OCM: variants seen among roughly 807,000 people sequenced by gnomAD.
OCM encodes oncomodulin, also known as oncomodulin-1.
Under a neutral mutation model 14.1 loss-of-function variants are expected in OCM, and 18 were observed. The observed-to-expected ratio is 1.28, with a 90% CI of 0.88 to 1.89. The LOEUF (loss-of-function observed/expected upper bound fraction) is 1.89, where lower values mean the gene tolerates loss of function less well. OCM is among the 40% of genes most tolerant of loss of function. The pLI is 0.00. For missense variants in OCM, 140 were observed against 137.6 expected, an observed-to-expected ratio of 1.02 and a Z score of -0.09; for synonymous variants, 48 against 51.0, an observed-to-expected ratio of 0.94 and a Z score of 0.25.
At chr7:5,878,400 C>T (rs981603223), upstream of OCM, among the ~76,000 whole-genome samples, 2 of 151,894 alleles carry the variant, frequency 1.3e-5, no homozygotes, top group African/African-American at 4.8e-5. Context: ...AGAGATCTCT[C>T]GTTCAATAAT....
the OCM span, among the ~76,000 whole-genome samples, chr7:5,862,314 C>T: frequency 1.2e-4 from 18 of 152,030 alleles, no homozygotes; most frequent in Non-Finnish European, 2.1e-4. Context: ...TTCATAACCC[C>T]ATGTTCTAGC....
the OCM span, among the ~76,000 whole-genome samples, chr7:5,874,067 A>AT: frequency 2.6e-3 from 390 of 150,716 alleles, 2 homozygotes; most frequent in Middle Eastern, 0.017. Flanking sequence ...AATAAAAAAA[A>AT]AAAAAAATTA....
the OCM span, among the ~76,000 whole-genome samples, chr7:5,870,452 A>T: frequency 9.3e-4 from 141 of 152,262 alleles, no homozygotes; most frequent in African/African-American, 3.2e-3. Flanking sequence ...CATCCTGTCC[A>T]TTGGCTGGGG....
chr7:5,860,532 A>G, the OCM span, among the ~76,000 whole-genome samples: 13 of 110,600 alleles, frequency 1.2e-4, no homozygotes, highest in African/African-American at 4.5e-4. Flanking sequence ...ATACGTGTGT[A>G]TATATATTAC....
chr7:5,867,842 G>A, the OCM span, among the ~76,000 whole-genome samples: 6 of 151,842 alleles, frequency 4.0e-5, no homozygotes, highest in Non-Finnish European at 8.8e-5. Flanking sequence ...GTTCACTGCA[G>A]CCTTGACCTC....
intron 2 of OCM, among the ~76,000 whole-genome samples, chr7:5,883,457 A>T (rs1255976165): frequency 6.6e-6 from 1 of 152,114 alleles, no homozygotes; most frequent in Non-Finnish European, 1.5e-5. Flanking sequence ...AGGTGGGTGG[A>T]TTGCTTGAGT....
chr7:5,867,166 C>T, the OCM span, among the ~76,000 whole-genome samples: 26 of 152,220 alleles, frequency 1.7e-4, no homozygotes, highest in African/African-American at 5.8e-4. Flanking sequence ...AAAATTCCTC[C>T]TTGCCTTCTG....
At chr7:5,872,664 T>G in the OCM span, among the ~76,000 whole-genome samples, 1 of 152,114 alleles carries the variant, frequency 6.6e-6, no homozygotes, top group Non-Finnish European at 1.5e-5. Context: ...GTTACACAGA[T>G]GCTAGAAGGC....
chr7:5,861,972 A>G, the OCM span, among the ~76,000 whole-genome samples: 11 of 152,184 alleles, frequency 7.2e-5, no homozygotes, highest in South Asian at 2.3e-3. Context: ...CGAACATTGC[A>G]CACTACAGCC....
upstream of OCM, among the ~76,000 whole-genome samples, chr7:5,878,754 CAA>C (rs1209421248): frequency 7.9e-6 from 1 of 126,242 alleles, no homozygotes; most frequent in Admixed American, 8.2e-5. Context: ...TCTCAAAAAA[CAA>C]AAAAAAAAAA....
the OCM span, among the ~76,000 whole-genome samples, chr7:5,860,330 G>A: frequency 6.8e-6 from 1 of 147,522 alleles, no homozygotes; most frequent in African/African-American, 2.5e-5. Context: ...AGCAGTTTGG[G>A]GCTCTCCGTA....
chr7:5,883,735 G>A (rs1311591380), intron 2 of OCM, among the ~76,000 whole-genome samples, 155 bp from the exon 3 acceptor site: 3 of 152,056 alleles, frequency 2.0e-5, no homozygotes, highest in Non-Finnish European at 4.4e-5. Flanking sequence ...CCCACCATTG[G>A]TTTCTACAGC....
chr7:5,861,315 G>T, the OCM span, among the ~76,000 whole-genome samples: 1 of 152,048 alleles, frequency 6.6e-6, no homozygotes, highest in Non-Finnish European at 1.5e-5. Context: ...CAGCTACTTG[G>T]GAGGCTGAGG....
At chr7:5,875,056 G>A (rs1781067226), upstream of OCM, among the ~76,000 whole-genome samples, 1 of 105,878 alleles carries the variant, frequency 9.4e-6, no homozygotes, top group Non-Finnish European at 1.8e-5. Context: ...ATATATATAT[G>A]TATTTTTTTT....
intron 1 of OCM, among the ~76,000 whole-genome samples, chr7:5,881,202 C>T (rs1781209674): frequency 1.3e-5 from 2 of 151,596 alleles, no homozygotes; most frequent in Non-Finnish European, 2.9e-5. Context: ...GCCTGTAATC[C>T]CAGCTACTCG....
chr7:5,875,098 A>AG (rs1781068957), upstream of OCM, among the ~76,000 whole-genome samples: 1 of 148,704 alleles, frequency 6.7e-6, no homozygotes, highest in African/African-American at 2.5e-5. Flanking sequence ...TCTGTCATCC[A>AG]GGCTGGAATG....
chr7:5,878,495 C>A (rs996773815), upstream of OCM, among the ~76,000 whole-genome samples: 1 of 151,434 alleles, frequency 6.6e-6, no homozygotes, highest in African/African-American at 2.4e-5. Flanking sequence ...GCCTGTAATC[C>A]CAGCACTTTG....
chr7:5,879,534 A>G (rs1247392956), upstream of OCM, among the ~76,000 whole-genome samples: 1 of 152,098 alleles, frequency 6.6e-6, no homozygotes, highest in African/African-American at 2.4e-5. Context: ...ACCTGCTAAT[A>G]TCAGGGGAGC....
chr7:5,869,135 C>T, the OCM span, among the ~76,000 whole-genome samples: 2 of 152,048 alleles, frequency 1.3e-5, no homozygotes, highest in Non-Finnish European at 1.5e-5. Context: ...GACTTCATAC[C>T]ATTGGTATTC....
Sources: gnomAD v4.1 joint callset for allele counts (sites outside exome capture counted in the v4.1 genomes callset) on GRCh38, gnomAD v4.1.1 for gene constraint, MANE v1.5 for transcripts, NCBI Gene and HGNC (gene_info 2026-07-23, HGNC 2026-07-21) for gene names.